The following SPECC1L variants were observed in gnomAD, a reference collection of about 807,000 sequenced individuals.
SPECC1L encodes cytospin-A.
Under a neutral mutation model 116.8 loss-of-function variants are expected in SPECC1L, and 40 were observed. The ratio of observed to expected loss-of-function variants is 0.34; its 90% CI spans 0.27 to 0.45. The LOEUF (loss-of-function observed/expected upper bound fraction) is 0.45, where lower values mean the gene tolerates loss of function less well. Ranked by LOEUF, SPECC1L falls within the 20% of genes least tolerant of loss-of-function variation. The probability of loss-of-function intolerance (pLI) is 1.00; values close to 1 mark genes in which losing one functional copy is unlikely to be tolerated. For missense variants in SPECC1L, 1,110 were observed against 1,373.6 expected (o/e 0.81, Z 3.03); for synonymous variants, 504 against 500.6 (o/e 1.01, Z -0.09).
At chr22:24,294,528 C>T (rs554355571) in intron 2 of SPECC1L, among the ~76,000 whole-genome samples, 65 of 151,560 alleles carry the variant, frequency 4.3e-4, no homozygotes, top group South Asian at 1.2e-3. Context: ...ATTACAGGCA[C>T]GCACCACCAC....
intron 9 of SPECC1L, among the ~76,000 whole-genome samples, chr22:24,335,306 A>T (rs949076639): frequency 6.6e-6 from 1 of 152,174 alleles, no homozygotes; most frequent in African/African-American, 2.4e-5. Flanking sequence ...TCGGTTGCTT[A>T]TTATAGTTGA....
chr22:24,362,455 C>A (rs571447800), intron 11 of SPECC1L, among the ~76,000 whole-genome samples: 2 of 152,058 alleles, frequency 1.3e-5, no homozygotes, highest in African/African-American at 4.8e-5. Flanking sequence ...TGGAGATGGT[C>A]GAAGCAATAT....
chr22:24,414,693 T>A lies in SPECC1L; in HGVS notation c.*70T>A. The A allele has an allele frequency of 7.5e-7, 1 of 1,337,928 alleles. No homozygotes were observed. The highest frequency in any genetic ancestry group is 1.1e-6 in the Non-Finnish European group (1 of 938,120). 82.9% of individuals were successfully genotyped at this position (1,337,928 alleles called of 1,614,324 possible). ...AGCGACCGAGCGACACCGACGCCAT[T>A]AGCTACGCACCCCTGTAAAGCTTCC... is the stretch of plus-strand genomic sequence containing the variant. On this transcript the variant is annotated 3_prime_UTR_variant, in exon 17 of 17. Coordinates refer to ENST00000314328, the MANE Select transcript of SPECC1L (RefSeq NM_015330.6).
intron 3 of SPECC1L, among the ~76,000 whole-genome samples, chr22:24,303,505 G>C (rs2049424439): frequency 6.6e-6 from 1 of 152,200 alleles, no homozygotes; most frequent in African/African-American, 2.4e-5. Context: ...TGGTTATTCA[G>C]TTGCTGGGGC....
rs183863572 is a variant in SPECC1L, at chr22:24,415,963, C to T, written c.*1340C>T. 4 of 152,348 alleles carry T rather than the reference C, an allele frequency of 2.6e-5. No individual in the cohort carries two copies. The highest frequency in any genetic ancestry group is 9.6e-5 in the African/African-American group (4 of 41,560). 9.4% of individuals were successfully genotyped at this position (152,348 alleles called of 1,614,324 possible). A position where few individuals can be genotyped will look rare whatever the true frequency, so the allele number is the denominator to read the frequency against. ...AACAATGTCCAGACAAGACCTGTAC[C>T]TTTGAGAATATAACTGTGTTTGGCA... On this transcript the variant is annotated 3_prime_UTR_variant, in exon 17 of 17. Coordinates refer to ENST00000314328, the MANE Select transcript of SPECC1L (RefSeq NM_015330.6).
At chr22:24,360,332 A>G (rs557005754) in intron 11 of SPECC1L, among the ~76,000 whole-genome samples, 35 of 152,346 alleles carry the variant, frequency 2.3e-4, no homozygotes, top group African/African-American at 8.4e-4. Flanking sequence ...ACTTCATGAA[A>G]TGGCAGCAGC....
intron 14 of SPECC1L, among the ~76,000 whole-genome samples, chr22:24,387,233 C>T (rs1255507300): frequency 1.3e-5 from 2 of 152,176 alleles, no homozygotes; most frequent in Non-Finnish European, 2.9e-5. Context: ...AAAGAATAAA[C>T]TGTTGCAACA....
chr22:24,346,549 A>T (rs542323664), intron 10 of SPECC1L, among the ~76,000 whole-genome samples: 14 of 152,348 alleles, frequency 9.2e-5, no homozygotes, highest in African/African-American at 3.4e-4. Flanking sequence ...GGTTTGTGAT[A>T]CTTTAAAGAT....
chr22:24,376,683 C>A (rs1259922409), intron 14 of SPECC1L, among the ~76,000 whole-genome samples: 5 of 152,138 alleles, frequency 3.3e-5, no homozygotes, highest in African/African-American at 9.7e-5. Flanking sequence ...AAAACTTCAA[C>A]CTAAAAAGAC....
chr22:24,368,248 T>C, intron 13 of SPECC1L, among the ~76,000 whole-genome samples: 1 of 152,218 alleles, frequency 6.6e-6, no homozygotes, highest in Non-Finnish European at 1.5e-5. Context: ...TACTATCATA[T>C]AGTAAACTCT....
chr22:24,344,854 A>G (rs2146554448), intron 10 of SPECC1L, among the ~76,000 whole-genome samples: 1 of 152,344 alleles, frequency 6.6e-6, no homozygotes, highest in Non-Finnish European at 1.5e-5. Flanking sequence ...TGTGCAATGA[A>G]AACAATAAAA....
At chr22:24,390,852 CTTTTTTTTTTTTTTCTTTTCTT>C (rs2042249399) in intron 14 of SPECC1L, among the ~76,000 whole-genome samples, 2 of 48,586 alleles carry the variant, frequency 4.1e-5, no homozygotes, top group Non-Finnish European at 8.1e-5. Flanking sequence ...GCCTGTGTTC[CTTTTTTTTTTTTTTCTTTTCTT>C]TTTTTTTTTT....
At chr22:24,281,372 TTTGATTCTGTAGATAATTTCAG>T (rs1260243005) in intron 2 of SPECC1L, among the ~76,000 whole-genome samples, 2 of 152,198 alleles carry the variant, frequency 1.3e-5, no homozygotes, top group Non-Finnish European at 2.9e-5. Flanking sequence ...TTGGGATTGT[TTTGATTCTGTAGATAATTTCAG>T]GGGAAGAATT....
intron 12 of SPECC1L, among the ~76,000 whole-genome samples, chr22:24,364,188 C>T (rs1429926806): frequency 6.6e-6 from 1 of 152,166 alleles, no homozygotes; most frequent in Non-Finnish European, 1.5e-5. Context: ...GATCTGGTAC[C>T]AGTGGCTAAA....
chr22:24,271,159 C>G (rs888797656), intron 1 of SPECC1L, among the ~76,000 whole-genome samples, 176 bp downstream of exon 1: 1 of 152,260 alleles, frequency 6.6e-6, no homozygotes, highest in African/African-American at 2.4e-5. Flanking sequence ...TCCCTTCCCG[C>G]GCCGTCCTCG....
chr22:24,271,283 CTG>C (rs1201976864), intron 1 of SPECC1L, among the ~76,000 whole-genome samples: 6 of 152,258 alleles, frequency 3.9e-5, no homozygotes, highest in South Asian at 4.1e-4. Flanking sequence ...TGCGGCTTGA[CTG>C]TGTGCAGACA....
intron 14 of SPECC1L, among the ~76,000 whole-genome samples, chr22:24,404,835 A>G (rs1374460376): frequency 6.6e-6 from 1 of 152,192 alleles, no homozygotes; most frequent in Non-Finnish European, 1.5e-5. Flanking sequence ...AATCCTCAAA[A>G]AGAGCAGCCC....
At chr22:24,364,021 G>C (rs962587538) in intron 12 of SPECC1L, among the ~76,000 whole-genome samples, 1 of 152,176 alleles carries the variant, frequency 6.6e-6, no homozygotes, top group African/African-American at 2.4e-5. Context: ...GCCCAGGAAT[G>C]ATAGAGTTAA....
intron 3 of SPECC1L, among the ~76,000 whole-genome samples, chr22:24,310,565 T>A (rs187317673): frequency 6.6e-6 from 1 of 152,306 alleles, no homozygotes; most frequent in East Asian, 1.9e-4. Context: ...TAATTTGCAT[T>A]TCTCTCATTA....
Sources: allele counts gnomAD v4.1 joint callset (sites outside exome capture counted in the v4.1 genomes callset), GRCh38; gene constraint gnomAD v4.1.1; transcripts MANE v1.5; gene names NCBI Gene and HGNC (gene_info 2026-07-23, HGNC 2026-07-21).